The following ZBBX variants were observed in gnomAD, a reference collection of about 807,000 sequenced individuals.
The protein encoded by ZBBX is zinc finger B-box domain-containing protein 1.
ZBBX carries 101 observed loss-of-function variants against 108.5 expected under a neutral mutation model. The observed-to-expected ratio is 0.93, with a 90% confidence interval of 0.79 to 1.10. The LOEUF is 1.10. Ranked by LOEUF, ZBBX falls within the 50% of genes least tolerant of loss-of-function variation. ZBBX has a pLI of 0.00. For synonymous variants in ZBBX, 356 were observed against 323.4 expected (o/e 1.10, Z -1.08); for missense variants, 1,009 against 941.4 (o/e 1.07, Z -0.94).
chr3:167,211,187 A>G, the ZBBX span, among the ~76,000 whole-genome samples: 1 of 152,196 alleles, frequency 6.6e-6, no homozygotes, highest in African/African-American at 2.4e-5. Flanking sequence ...GGAAAGTGGT[A>G]AGAGAATGAG....
chr3:167,275,291 AG>A, intron 20 of ZBBX, among the ~76,000 whole-genome samples: 1 of 152,350 alleles, frequency 6.6e-6, no homozygotes, highest in East Asian at 1.9e-4. Context: ...ATGGCCGAAT[AG>A]GAACAGCTCC....
chr3:167,329,160 A>G (rs1290019384), intron 10 of ZBBX, among the ~76,000 whole-genome samples: 6 of 152,192 alleles, frequency 3.9e-5, no homozygotes, highest in Non-Finnish European at 8.8e-5. Flanking sequence ...CAGTCCAAGC[A>G]CACAAGAAAA....
chr3:167,357,205 G>T, intron 8 of ZBBX, among the ~76,000 whole-genome samples: 1 of 152,002 alleles, frequency 6.6e-6, no homozygotes, highest in East Asian at 1.9e-4. Flanking sequence ...AACATTAAGA[G>T]GTCAATACAG....
intron 1 of ZBBX, among the ~76,000 whole-genome samples, chr3:167,394,815 A>T (rs1577145933): frequency 1.3e-5 from 2 of 152,212 alleles, no homozygotes; most frequent in Middle Eastern, 6.8e-3. Flanking sequence ...GGGTCCAATC[A>T]TGGAAATTCT....
chr3:167,405,405 G>A (rs1748551931), intron 1 of ZBBX, among the ~76,000 whole-genome samples: 1 of 152,152 alleles, frequency 6.6e-6, no homozygotes, highest in Non-Finnish European at 1.5e-5. Flanking sequence ...CAGAAAAAGT[G>A]TGTCATAAAA....
At chr3:167,393,641 A>G (rs148419697) in intron 1 of ZBBX, among the ~76,000 whole-genome samples, 2 of 152,020 alleles carry the variant, frequency 1.3e-5, no homozygotes, top group East Asian at 3.9e-4. Flanking sequence ...CTAGAGTGAA[A>G]ATAAAAGTTA....
intron 9 of ZBBX, among the ~76,000 whole-genome samples, chr3:167,346,022 TTTTG>T (rs1431640149): frequency 1.3e-5 from 2 of 151,882 alleles, no homozygotes; most frequent in East Asian, 1.9e-4. Flanking sequence ...ATAGAATGCT[TTTTG>T]TTTGTTTTCC....
At chr3:167,371,161 G>C (rs1013710140) in intron 4 of ZBBX, among the ~76,000 whole-genome samples, 8 of 152,164 alleles carry the variant, frequency 5.3e-5, no homozygotes, top group Admixed American at 3.3e-4. Context: ...AGACGTACAG[G>C]CCAGGGAATA....
chr3:167,314,045 T>A lies in ZBBX; in HGVS notation c.1346A>T (p.Asp449Val). 5.0e-6 allele frequency: 8 copies of A among 1,608,114 alleles called. No individual in the cohort carries two copies. The highest frequency in any genetic ancestry group is 6.8e-6 in the Non-Finnish European group (8 of 1,176,996). The part of the protein sequence containing the change: ...ENGIHQHHVF[D>V]KGKRDFLNLC... ...ATTTAAGAAGTCTCTCTTTCCCTTA[T>A]CGAAAACATGATGTTGATGGATGCC... Residue 449 changes from aspartate (D) to valine (V), a missense_variant, in exon 16 of 22, where the codon GAT becomes GTT. Physicochemically the swap from Asp to Val is radical, Grantham distance 152. Transcript: ENST00000675490.
At chr3:167,271,397 A>G (rs1560051185) in intron 20 of ZBBX, among the ~76,000 whole-genome samples, 1 of 152,178 alleles carries the variant, frequency 6.6e-6, no homozygotes, top group Non-Finnish European at 1.5e-5. Flanking sequence ...TTCATCTGGA[A>G]CACCTGTCTT....
At chr3:167,342,486 T>C (rs1740698381) in intron 9 of ZBBX, among the ~76,000 whole-genome samples, 1 of 151,724 alleles carries the variant, frequency 6.6e-6, no homozygotes, top group African/African-American at 2.4e-5. Flanking sequence ...ACAAAACCAT[T>C]CCAAAATATG....
intron 19 of ZBBX, among the ~76,000 whole-genome samples, chr3:167,287,393 A>T (rs1729897218): frequency 6.6e-6 from 1 of 152,156 alleles, no homozygotes; most frequent in Admixed American, 6.5e-5. Context: ...GCCTTAATTA[A>T]TCAGAATCCC....
intron 19 of ZBBX, among the ~76,000 whole-genome samples, chr3:167,282,898 A>G (rs1297329779): frequency 1.3e-5 from 2 of 152,224 alleles, no homozygotes; most frequent in Non-Finnish European, 2.9e-5. Context: ...GTAAGAAAAA[A>G]AACCTTAGAA....
At chr3:167,194,176 C>G in the ZBBX span, among the ~76,000 whole-genome samples, 10 of 148,796 alleles carry the variant, frequency 6.7e-5, no homozygotes, top group African/African-American at 2.2e-4. Flanking sequence ...TCCCAAATAC[C>G]CTGATTAATT....
intron 19 of ZBBX, among the ~76,000 whole-genome samples, chr3:167,284,824 T>G (rs1468273892): frequency 6.6e-6 from 1 of 152,132 alleles, no homozygotes; most frequent in Non-Finnish European, 1.5e-5. Flanking sequence ...TTTTGTTTAT[T>G]GTTCTTTTAA....
chr3:167,336,987 G>A (rs368482460), intron 9 of ZBBX, among the ~76,000 whole-genome samples: 3 of 152,224 alleles, frequency 2.0e-5, no homozygotes, highest in Admixed American at 2.0e-4. Context: ...CACAGAGTAC[G>A]TTTTATTCTA....
At chr3:167,216,624 T>G in the ZBBX span, among the ~76,000 whole-genome samples, 1 of 152,016 alleles carries the variant, frequency 6.6e-6, no homozygotes, top group Admixed American at 6.6e-5. Flanking sequence ...AAAAATTCTT[T>G]TAAAATTTAT....
At chr3:167,179,753 C>A in the ZBBX span, among the ~76,000 whole-genome samples, 1 of 152,180 alleles carries the variant, frequency 6.6e-6, no homozygotes, top group Non-Finnish European at 1.5e-5. Flanking sequence ...TTTACCATTA[C>A]TAGACCCATC....
chr3:167,260,603 C>T (rs142695669), intron 20 of ZBBX, among the ~76,000 whole-genome samples: 1 of 152,288 alleles, frequency 6.6e-6, no homozygotes, highest in Non-Finnish European at 1.5e-5. Flanking sequence ...ATTTCTTCTA[C>T]TTGTTCAACT....
Sources: allele counts gnomAD v4.1 joint callset (sites outside exome capture counted in the v4.1 genomes callset), GRCh38; gene constraint gnomAD v4.1.1; transcripts MANE v1.5; gene names NCBI Gene and HGNC (gene_info 2026-07-23, HGNC 2026-07-21).